The following FRMD4A variants were observed in gnomAD, a reference collection of about 807,000 sequenced individuals.
FRMD4A encodes the protein FERM domain-containing protein 4A.
In FRMD4A, 29 loss-of-function variants were observed where a neutral mutation model predicts 129.1. That is an observed-to-expected ratio of 0.22 (90% CI 0.17 to 0.31). The LOEUF is 0.31. Ranked by LOEUF, FRMD4A falls within the 10% of genes least tolerant of loss-of-function variation. The probability of loss-of-function intolerance (pLI) is 1.00; values close to 1 mark genes in which losing one functional copy is unlikely to be tolerated. For missense variants in FRMD4A, 1,272 were observed against 1,375.8 expected (o/e 0.92, Z 1.19); for synonymous variants, 634 against 571.6 (o/e 1.11, Z -1.56).
At chr10:13,678,999 A>G (rs2084243728) in intron 15 of FRMD4A, among the ~76,000 whole-genome samples, 1 of 152,046 alleles carries the variant, frequency 6.6e-6, no homozygotes, top group Non-Finnish European at 1.5e-5. Context: ...ACACTCGAAC[A>G]CATTCCTCCT....
At chr10:13,981,783 C>G (rs539222877) in intron 2 of FRMD4A, among the ~76,000 whole-genome samples, 1 of 148,786 alleles carries the variant, frequency 6.7e-6, no homozygotes, top group East Asian at 2.0e-4. Flanking sequence ...CCAAAGCAGG[C>G]TGGAGACTGC....
chr10:14,216,009 T>C (rs566600333), intron 2 of FRMD4A, among the ~76,000 whole-genome samples: 5 of 152,238 alleles, frequency 3.3e-5, no homozygotes, highest in South Asian at 2.1e-4. Context: ...TGAGCTGAGA[T>C]TGCAATCTCC....
chr10:13,794,535 A>C (rs2093072215), intron 5 of FRMD4A, among the ~76,000 whole-genome samples: 2 of 152,064 alleles, frequency 1.3e-5, no homozygotes, highest in Admixed American at 1.3e-4. Flanking sequence ...GAAGATAATA[A>C]ATTTGGCTTT....
intron 2 of FRMD4A, among the ~76,000 whole-genome samples, chr10:14,301,783 G>A (rs1390592519): frequency 6.6e-6 from 1 of 152,074 alleles, no homozygotes; most frequent in East Asian, 1.9e-4. Context: ...AAGATTCATG[G>A]GCAGTAAAAT....
At chr10:13,657,737 A>T (rs1170324656) in intron 21 of FRMD4A, among the ~76,000 whole-genome samples, 2 of 150,332 alleles carry the variant, frequency 1.3e-5, no homozygotes, top group African/African-American at 4.9e-5. Flanking sequence ...CATGATTCCC[A>T]GTGGGAAGTG....
At chr10:14,266,158 G>T (rs1051438882) in intron 2 of FRMD4A, among the ~76,000 whole-genome samples, 9 of 151,610 alleles carry the variant, frequency 5.9e-5, no homozygotes, top group Non-Finnish European at 1.3e-4. Flanking sequence ...TCTTTGTCCT[G>T]GGGGTGGGAG....
At chr10:13,789,558 CCACACACACACA>C (rs3220780) in intron 5 of FRMD4A, among the ~76,000 whole-genome samples, 1 of 144,696 alleles carries the variant, frequency 6.9e-6, no homozygotes, top group Non-Finnish European at 1.5e-5. Context: ...TATGAAAAGA[CCACACACACACA>C]CACACACACA....
chr10:13,673,607 G>C (rs60083472), intron 16 of FRMD4A, among the ~76,000 whole-genome samples: 8,348 of 141,194 alleles, frequency 0.059, 602 homozygotes, highest in African/African-American at 0.19. Context: ...CACACACACA[G>C]AGTCATGTGT....
At chr10:13,881,331 G>A (rs2094544409) in intron 2 of FRMD4A, among the ~76,000 whole-genome samples, 2 of 152,114 alleles carry the variant, frequency 1.3e-5, no homozygotes, top group South Asian at 2.1e-4. Context: ...GCTGAGGTGG[G>A]AGGATCACTT....
At chr10:13,697,832 C>G (rs899631575) in intron 14 of FRMD4A, among the ~76,000 whole-genome samples, 2 of 152,180 alleles carry the variant, frequency 1.3e-5, no homozygotes, top group Non-Finnish European at 2.9e-5. Context: ...AATGTCGACT[C>G]TAAACATTTT....
At chr10:14,096,271 C>G (rs1836955825) in intron 2 of FRMD4A, among the ~76,000 whole-genome samples, 1 of 152,158 alleles carries the variant, frequency 6.6e-6, no homozygotes, top group African/African-American at 2.4e-5. Flanking sequence ...GAGAAACGGG[C>G]CCTCACCAGA....
At chr10:13,725,531 G>T (rs543715245) in intron 12 of FRMD4A, among the ~76,000 whole-genome samples, 1 of 152,240 alleles carries the variant, frequency 6.6e-6, no homozygotes, top group Admixed American at 6.5e-5. Context: ...CCTGGACAGG[G>T]CAATGCTTTT....
chr10:13,657,619 C>T (rs935798224), intron 21 of FRMD4A, 97 bp from the exon 22 acceptor site: 5 of 1,428,558 alleles, frequency 3.5e-6, no homozygotes, highest in Admixed American at 5.5e-5. Flanking sequence ...CACTGGGTGT[C>T]TGCACGCGGG....
rs555542845 is a variant in FRMD4A at position 14,320,856 on chromosome 10, AT to A, written c.45+9201del. Among the ~76,000 whole-genome samples the A allele has an allele frequency of 4.8e-3, 727 of 152,260 alleles. 1 individual carries two copies. Among genetic ancestry groups the A allele is most frequent in the South Asian group, 0.011 (53 of 4,824 alleles). ...CTGAACTCCTTCCCACCCCGGGGCC[AT>A]GGCCCAGGTTGGAATGCCCCATCCA... is the stretch of plus-strand genomic sequence containing the variant. On this transcript the variant is annotated intron_variant, in intron 2 of 24. Coordinates refer to ENST00000357447, the MANE Select transcript of FRMD4A (RefSeq NM_018027.5).
chr10:14,110,125 T>TTTAAAAAAAAAA (rs372420987), intron 2 of FRMD4A, among the ~76,000 whole-genome samples: 1 of 89,520 alleles, frequency 1.1e-5, no homozygotes, highest in Non-Finnish European at 2.0e-5. Context: ...CGAGATGCTG[T>TTTAAAAAAAAAA]AAAAAAAAAA....
At chr10:14,039,359 T>C (rs375637800) in intron 2 of FRMD4A, among the ~76,000 whole-genome samples, 18 of 128,358 alleles carry the variant, frequency 1.4e-4, no homozygotes, top group Admixed American at 2.5e-4. Context: ...CTTTCTGATC[T>C]GTCCGTCCGT....
intron 2 of FRMD4A, among the ~76,000 whole-genome samples, chr10:14,283,781 A>G (rs552774970): frequency 1.4e-4 from 22 of 152,356 alleles, no homozygotes; most frequent in South Asian, 1.2e-3. Flanking sequence ...TAAAATACCC[A>G]ATCGTGGGCA....
chr10:14,145,223 C>T (rs966061657), intron 2 of FRMD4A, among the ~76,000 whole-genome samples: 1 of 152,190 alleles, frequency 6.6e-6, no homozygotes, highest in African/African-American at 2.4e-5. Context: ...CCAGGAACCT[C>T]GAATTCTATT....
chr10:14,189,094 T>A lies in FRMD4A; in HGVS notation c.45+140964A>T, dbSNP rs191758270. Among the ~76,000 whole-genome samples, 3 of 152,328 alleles carry A rather than the reference T, an allele frequency of 2.0e-5. No homozygotes were observed. In the East Asian group the frequency reaches 5.8e-4, roughly 29 times the overall value. On this transcript the variant is annotated intron_variant, in intron 2 of 24. Transcript: ENST00000357447. ...GCACAAGGTCTCATGGCTGTGTATT[T>A]CCACCTCTGTGTATGGTGTCCTATA...
Sources: allele counts gnomAD v4.1 joint callset (sites outside exome capture counted in the v4.1 genomes callset), GRCh38; gene constraint gnomAD v4.1.1; transcripts MANE v1.5; gene names NCBI Gene and HGNC (gene_info 2026-07-23, HGNC 2026-07-21).